Variants in GCC1 observed in about 807,000 individuals in gnomAD.
GCC1 encodes GRIP and coiled-coil domain-containing protein 1.
A neutral mutation model predicts 62.5 loss-of-function variants in GCC1; 36 were observed. The observed-to-expected ratio is 0.58, with a 90% CI of 0.44 to 0.76. The LOEUF (loss-of-function observed/expected upper bound fraction) is 0.76, where lower values mean the gene tolerates loss of function less well. GCC1 is among the 30% of genes least tolerant of loss of function. The pLI is 0.00. For synonymous variants in GCC1, 391 were observed against 386.8 expected (o/e 1.01, Z -0.13); for missense variants, 885 against 948.3 (o/e 0.93, Z 0.88).
rs1794181602 is a variant in GCC1, at chr7:127,584,894, TC to T, written c.288del (p.Thr97ProfsTer20). Reference protein sequence around the residue: ...RCSTHSEDSTGTATSLDTAAS... With the variant: ...RCSTHSEDSTXTATSLDTAAS... ...GCCGCAGTATCCAAGCTAGTGGCGG[TC>T]CCAGTGCTATCCTCGCTGTGAGTGG... is the stretch of plus-strand genomic sequence containing the variant. On this transcript the variant is annotated frameshift_variant, in exon 1 of 2. Transcript: ENST00000321407. LOFTEE classifies it high-confidence loss of function. The T allele has an allele frequency of 6.2e-7, 1 of 1,613,968 alleles. No individual in the cohort carries two copies. Among genetic ancestry groups the T allele is most frequent in the Admixed American group, 1.7e-5 (1 of 59,990 alleles).
At chr7:127,583,610 T>C (rs1794164953) in intron 1 of GCC1, among the ~76,000 whole-genome samples, 2 of 152,212 alleles carry the variant, frequency 1.3e-5, no homozygotes, top group Non-Finnish European at 2.9e-5. Flanking sequence ...TCAAATCCTA[T>C]TAAGAAATCA....
At position 127,584,786 on chromosome 7, in the gene GCC1, C is replaced by A. The variant is rs1332102297; in HGVS notation, c.397G>T (p.Ala133Ser). ...CTAACGCCACTCTCGGACCAACTGG[C>A]CTCTTCGGACTTTGGAGGTGGTGGT... ...RGPPPPKSEEASWSESGVSSS... is the reference protein window; with the variant it reads ...RGPPPPKSEESSWSESGVSSS... Residue 133 changes from alanine to serine, a missense_variant, in exon 1 of 2, where the codon GCC (alanine) becomes TCC (serine). Coordinates refer to ENST00000321407, the MANE Select transcript of GCC1 (RefSeq NM_024523.6). The A allele has an allele frequency of 1.2e-6, 2 of 1,614,226 alleles. No individual in the cohort carries two copies. Among genetic ancestry groups the A allele is most frequent in the Non-Finnish European group, 1.7e-6 (2 of 1,180,038 alleles).
Position 127,584,867 on chromosome 7 carries a change from T to G in GCC1, c.316A>C (p.Ser106Arg). Residue 106 changes from serine (S) to arginine (R), a missense_variant, in exon 1 of 2, where the codon AGT becomes CGT. Physicochemically the swap from Ser to Arg is moderately radical, Grantham distance 110. Transcript: ENST00000321407. Reference sequence around the variant, plus strand: ...AACTCACCCTTGGTGCTGGTGAGACTGGCCGCAGTATCCAAGCTAGTGGCG... The same window carrying G: ...AACTCACCCTTGGTGCTGGTGAGACGGGCCGCAGTATCCAAGCTAGTGGCG... ...GTATSLDTAA[S>R]LTSTKGEFGV... 1 of 1,614,206 alleles carries G rather than the reference T, an allele frequency of 6.2e-7. No individual in the cohort carries two copies. Among genetic ancestry groups the G allele is most frequent in the Non-Finnish European group, 8.5e-7 (1 of 1,180,036 alleles).
Position 127,581,373 on chromosome 7 carries a change from G to C in GCC1, c.*641C>G, listed in dbSNP as rs553348475. 7 of 152,382 alleles carry C rather than the reference G, an allele frequency of 4.6e-5. No individual in the cohort carries two copies. The highest frequency in any genetic ancestry group is 1.7e-4 in the African/African-American group (7 of 41,572). 9.4% of individuals were successfully genotyped at this position (152,382 alleles called of 1,614,324 possible). Reference sequence around the variant, plus strand: ...TTTGGAAATCCCTAAGATCAAGCTGGTGCTCAGGGCCCTCTCTAGGATGGT... The same window carrying C: ...TTTGGAAATCCCTAAGATCAAGCTGCTGCTCAGGGCCCTCTCTAGGATGGT... On this transcript the variant is annotated 3_prime_UTR_variant, in exon 2 of 2. Transcript: ENST00000321407.
rs542215290 is a variant in GCC1 at position 127,580,737 on chromosome 7, A to G, written c.*1277T>C. 1.3e-5 allele frequency: 2 copies of G among 152,320 alleles called. No individual in the cohort carries two copies. The highest frequency in any genetic ancestry group is 4.1e-4 in the South Asian group (2 of 4,826). 9.4% of individuals were successfully genotyped at this position (152,320 alleles called of 1,614,324 possible). A position where few individuals can be genotyped will look rare whatever the true frequency, so the allele number is the denominator to read the frequency against. ...GTCACCCAGCCTCCCATTAAGATTT[A>G]ATCAAAGTTTTCTGCACCCCAAACC... On this transcript the variant is annotated 3_prime_UTR_variant, in exon 2 of 2. Transcript: ENST00000321407.
Position 127,585,085 on chromosome 7 carries a change from G to T in GCC1, c.98C>A (p.Ala33Glu). The T allele has an allele frequency of 6.2e-7, 1 of 1,614,152 alleles. No individual in the cohort carries two copies. Among genetic ancestry groups the T allele is most frequent in the Non-Finnish European group, 8.5e-7 (1 of 1,180,038 alleles). ...TQKKQLLQYQ[A>E]RLKDVVRAYK... Reference sequence around the variant, plus strand: ...GGCACGGACCACATCCTTGAGCCGTGCCTGGTACTGGAGAAGCTGCTTCTT... The same window carrying T: ...GGCACGGACCACATCCTTGAGCCGTTCCTGGTACTGGAGAAGCTGCTTCTT... The change falls in exon 1 of 2, where the codon GCA (alanine) becomes GAA (glutamate). Residue 33 changes from alanine (A) to glutamate (E), a missense_variant. Coordinates refer to ENST00000321407, the MANE Select transcript of GCC1 (RefSeq NM_024523.6).
At position 127,584,267 on chromosome 7, in the gene GCC1, G is replaced by T. The variant is rs1295770900; in HGVS notation, c.916C>A (p.Leu306Met). The T allele has an allele frequency of 9.3e-6, 15 of 1,613,522 alleles. No individual in the cohort carries two copies. The highest frequency in any genetic ancestry group is 1.2e-5 in the Non-Finnish European group (14 of 1,179,950). Residue 306 changes from leucine to methionine, a missense_variant, in exon 1 of 2, where the codon CTG (leucine) becomes ATG (methionine). By Grantham distance (15) the Leu-to-Met change is conservative (BLOSUM62 2). Coordinates refer to ENST00000321407, the MANE Select transcript of GCC1 (RefSeq NM_024523.6). The stretch of plus-strand genomic sequence containing the variant: ...TTCTTCTCATCTCGAATGGCCTGCA[G>T]TTCACTTTTCAGCTCCTCCACCTCA... ...TREVEELKSE[L>M]QAIRDEKNQP...
Position 127,582,489 on chromosome 7 carries a change from C to T in GCC1, c.1853G>A (p.Arg618His), listed in dbSNP as rs769561780. 2.0e-5 allele frequency: 33 copies of T among 1,613,608 alleles called. No individual in the cohort carries two copies. Among genetic ancestry groups the T allele is most frequent in the East Asian group, 1.3e-4 (6 of 44,854 alleles). The change falls in exon 2 of 2, where the codon CGC becomes CAC. Residue 618 changes from arginine to histidine, a missense_variant. Physicochemically the swap from Arg to His is conservative, Grantham distance 29. Transcript: ENST00000321407. This position sits in a 1 kb window ranked among gnomAD's most constrained non-coding sequence, Gnocchi z 4.8. ...ACCGCCACCACCCACAGGACTTCTGCGTCCTGGCAGCCCAGAGGCCAAGGC... is the reference window on the plus strand; with the variant it reads ...ACCGCCACCACCCACAGGACTTCTGTGTCCTGGCAGCCCAGAGGCCAAGGC... ...SVALASGLPG[R>H]RSPVGGGGPG...
Position 127,585,591 on chromosome 7 carries a change from G to C in GCC1, c.-409C>G, listed in dbSNP as rs576463681. 3 of 167,116 alleles carry C rather than the reference G, an allele frequency of 1.8e-5. No homozygotes were observed. Among genetic ancestry groups the C allele is most frequent in the Admixed American group, 6.3e-5 (1 of 15,922 alleles). The allele number at this position is 167,116 out of a possible 1,614,324, so 10.4% of individuals were successfully genotyped here. A position where few individuals can be genotyped will look rare whatever the true frequency, so the allele number is the denominator to read the frequency against. ...GACATCCTAACTAAAGCTGCCTGCC[G>C]ACAACGGCGCTTCCGTGTCCGCTGG... is the stretch of plus-strand genomic sequence containing the variant. On this transcript the variant is annotated 5_prime_UTR_variant, in exon 1 of 2. Coordinates refer to ENST00000321407, the MANE Select transcript of GCC1 (RefSeq NM_024523.6).
Position 127,584,634 on chromosome 7 carries a change from C to T in GCC1, c.549G>A (p.Glu183=). The change falls in exon 1 of 2, where the codon GAG becomes GAA. Residue 183 remains glutamate (E), a synonymous_variant. Transcript: ENST00000321407. The part of the protein sequence containing the change: ...ATVTQEKSRM[E]ASYLADKKKM... ...TTTTCTTGTCAGCCAAGTAAGAAGC[C>T]TCCATGCGGGACTTCTCCTGAGTGA... 1 of 1,614,166 alleles carries T rather than the reference C, an allele frequency of 6.2e-7. No homozygotes were observed. Among genetic ancestry groups the T allele is most frequent in the South Asian group, 1.1e-5 (1 of 91,086 alleles).
rs1034995976 is a variant in GCC1 at position 127,582,080 on chromosome 7, T to C, written c.2262A>G (p.Pro754=). 1.2e-6 allele frequency: 2 copies of C among 1,614,172 alleles called. No homozygotes were observed. Among genetic ancestry groups the C allele is most frequent in the Non-Finnish European group, 1.7e-6 (2 of 1,179,998 alleles). ...GTCGCATTATCACTTGTTTCTCCTC[T>C]GGACTGAAGTGCAAGATAGTCAGTA... ...TAILTILHFS[P]EEKQVIMRLP... Residue 754 remains proline, a synonymous_variant, in exon 2 of 2, where the codon CCA becomes CCG. Transcript: ENST00000321407. The surrounding 1 kb of genome is among the most constrained non-coding windows in gnomAD (Gnocchi z 4.8).
At position 127,584,190 on chromosome 7, in the gene GCC1, C is replaced by A. The variant is rs1377796094; in HGVS notation, c.993G>T (p.Lys331Asn). 7 of 1,613,778 alleles carry A rather than the reference C, an allele frequency of 4.3e-6. No individual in the cohort carries two copies. The Admixed American group carries it at 1.2e-4, about 27-fold the overall frequency. The change falls in exon 1 of 2, where the codon AAG becomes AAT. Residue 331 changes from lysine (K) to asparagine (N), a missense_variant. Coordinates refer to ENST00000321407, the MANE Select transcript of GCC1 (RefSeq NM_024523.6). ...GCTGTAACTGAGCCTGGAAATGGCT[C>A]TTAAGGCGGGCAGCCTCTTCCTGAA... ...QELQEEAARL[K>N]SHFQAQLQQE...
In GCC1 at chr7:127,584,523, C is replaced by A; in HGVS notation, c.660G>T (p.Glu220Asp). Reference sequence around the variant, plus strand: ...GCCGGGCTTTGGTTTCTGCTATTTGCTCCTGCAGCCCCTTCAATTCTCCCT... The same window carrying A: ...GCCGGGCTTTGGTTTCTGCTATTTGATCCTGCAGCCCCTTCAATTCTCCCT... ...RLEGELKGLQ[E>D]QIAETKARLI... is the part of the protein sequence containing the mutation. The change falls in exon 1 of 2, where the codon GAG (glutamate) becomes GAT (aspartate). Residue 220 changes from glutamate (E) to aspartate (D), a missense_variant. Glu to Asp is a conservative substitution (Grantham distance 45, BLOSUM62 2). Transcript: ENST00000321407. 6.2e-7 allele frequency: 1 copy of A among 1,614,090 alleles called. No homozygotes were observed. The highest frequency in any genetic ancestry group is 8.5e-7 in the Non-Finnish European group (1 of 1,180,026).
rs769655331 is a variant in GCC1, at chr7:127,582,506, G to A, written c.1836C>T (p.Ala612=). 5.6e-6 allele frequency: 9 copies of A among 1,613,304 alleles called. No homozygotes were observed. The highest frequency in any genetic ancestry group is 1.7e-6 in the Non-Finnish European group (2 of 1,180,038). The change falls in exon 2 of 2, where the codon GCC becomes GCT. Residue 612 remains alanine (A), a synonymous_variant. Transcript: ENST00000321407. The surrounding 1 kb of genome is among the most constrained non-coding windows in gnomAD (Gnocchi z 4.8). ...GACTTCTGCGTCCTGGCAGCCCAGAGGCCAAGGCCACAGAACGCAGTTGCT... is the reference window on the plus strand; with the variant it reads ...GACTTCTGCGTCCTGGCAGCCCAGAAGCCAAGGCCACAGAACGCAGTTGCT... ...ELEQLRSVAL[A]SGLPGRRSPV...
rs759341081 is a variant in GCC1 at position 127,584,790 on chromosome 7, T to C, written c.393A>G (p.Glu131=). 1 of 1,614,210 alleles carries C rather than the reference T, an allele frequency of 6.2e-7. No individual in the cohort carries two copies. Among genetic ancestry groups the C allele is most frequent in the South Asian group, 1.1e-5 (1 of 91,078 alleles). ...CGCCACTCTCGGACCAACTGGCCTC[T>C]TCGGACTTTGGAGGTGGTGGTCCAC... The part of the protein sequence containing the change: ...PARGPPPPKS[E]EASWSESGVS... The change falls in exon 1 of 2, where the codon GAA becomes GAG. Residue 131 remains glutamate, a synonymous_variant. Transcript: ENST00000321407.
At chr7:127,583,710 T>C (rs1794166280) in intron 1 of GCC1, among the ~76,000 whole-genome samples, 1 of 152,226 alleles carries the variant, frequency 6.6e-6, no homozygotes, top group Non-Finnish European at 1.5e-5. Flanking sequence ...ACCCTTTCAA[T>C]ACCTGTTCTG....
Position 127,580,876 on chromosome 7 carries a change from G to C in GCC1, c.*1138C>G, listed in dbSNP as rs1417043108. The C allele has an allele frequency of 6.6e-6, 1 of 152,172 alleles. No individual in the cohort carries two copies. Among genetic ancestry groups the C allele is most frequent in the African/African-American group, 2.4e-5 (1 of 41,424 alleles). 9.4% of individuals were successfully genotyped at this position (152,172 alleles called of 1,614,324 possible). ...CCTCTATAACCAGTAACAGTAGTTG[G>C]GAGAAAAGAAGGAATAAAGAAACTG... On this transcript the variant is annotated 3_prime_UTR_variant, in exon 2 of 2. Transcript: ENST00000321407.
Position 127,585,069 on chromosome 7 carries a change from C to T in GCC1, c.114G>A (p.Val38=). 2 of 1,614,136 alleles carry T rather than the reference C, an allele frequency of 1.2e-6. No individual in the cohort carries two copies. The highest frequency in any genetic ancestry group is 1.7e-6 in the Non-Finnish European group (2 of 1,180,038). The change falls in exon 1 of 2, where the codon GTG becomes GTA. Residue 38 remains valine (V), a synonymous_variant. Transcript: ENST00000321407. ...TCAGCAGGCTTTTATAGGCACGGAC[C>T]ACATCCTTGAGCCGTGCCTGGTACT... ...LLQYQARLKD[V]VRAYKSLLKE...
At chr7:127,584,075 G>C (rs1335606931) in intron 1 of GCC1, 76 bp downstream of exon 1, 4 of 1,322,430 alleles carry the variant, frequency 3.0e-6, no homozygotes, top group Middle Eastern at 2.5e-4. Flanking sequence ...GCTCTAACTA[G>C]CAAAGGAGGA....
Sources: gnomAD v4.1 joint callset for allele counts (sites outside exome capture counted in the v4.1 genomes callset) on GRCh38, gnomAD v4.1.1 for gene constraint, Gnocchi (gnomAD v3.1) non-coding constraint, MANE v1.5 for transcripts, NCBI Gene and HGNC (gene_info 2026-07-23, HGNC 2026-07-21) for gene names.